ITPR2: variants seen among roughly 807,000 people sequenced by gnomAD.
ITPR2 encodes the protein inositol 1,4,5-trisphosphate-gated calcium channel ITPR2.
A neutral mutation model predicts 317.1 loss-of-function variants in ITPR2; 207 were observed. The observed-to-expected ratio is 0.65, with a 90% confidence interval of 0.58 to 0.73. The LOEUF (loss-of-function observed/expected upper bound fraction) is 0.73, where lower values mean the gene tolerates loss of function less well. ITPR2 is among the 30% of genes least tolerant of loss of function. The pLI is 0.00. For synonymous variants in ITPR2, 1,156 were observed against 1,149.1 expected (o/e 1.01, Z -0.12); for missense variants, 2,613 against 3,284.0 (o/e 0.80, Z 4.99).
chr12:26,510,006 T>G (rs867939471), intron 37 of ITPR2, among the ~76,000 whole-genome samples: 2,959 of 31,214 alleles, frequency 0.095, no homozygotes, highest in African/African-American at 0.14. Context: ...GTGTGTGTGG[T>G]GGGGGGTGGG....
At chr12:26,766,679 A>C (rs1242483886) in intron 2 of ITPR2, among the ~76,000 whole-genome samples, 1 of 152,166 alleles carries the variant, frequency 6.6e-6, no homozygotes, top group East Asian at 1.9e-4. Flanking sequence ...TGTTGTATCT[A>C]AGAAATCACT....
intron 10 of ITPR2, among the ~76,000 whole-genome samples, chr12:26,688,047 T>G (rs769246402): frequency 6.6e-6 from 1 of 152,200 alleles, no homozygotes; most frequent in Non-Finnish European, 1.5e-5. Flanking sequence ...TTCTGAATTT[T>G]TTTTTTAAGA....
Position 26,486,278 on chromosome 12 carries a change from A to C in ITPR2, c.5637T>G (p.Cys1879Trp). ...EASSATSKAY[C>W]VYRREMDPEI... ...CTGGATCCATTTCTCTTCTGTATAC[A>C]CAATATGCTTTGGATGTTGCTGAAG... The change falls in exon 41 of 57, where the codon TGT (cysteine) becomes TGG (tryptophan). Residue 1879 changes from cysteine (C) to tryptophan (W), a missense_variant. Cys to Trp is a radical substitution (Grantham distance 215). Around this residue, in one of 9 missense-constraint regions of ITPR2, gnomAD observed 926 missense variants for 1,072.8 expected, o/e 0.86. Coordinates refer to ENST00000381340, the MANE Select transcript of ITPR2 (RefSeq NM_002223.4). 6.2e-7 allele frequency: 1 copy of C among 1,614,102 alleles called. No homozygotes were observed. The highest frequency in any genetic ancestry group is 8.5e-7 in the Non-Finnish European group (1 of 1,179,950).
intron 36 of ITPR2, among the ~76,000 whole-genome samples, chr12:26,555,838 T>C (rs530840186): frequency 6.6e-6 from 1 of 152,338 alleles, no homozygotes; most frequent in Admixed American, 6.5e-5. Context: ...TAAACACATA[T>C]GACAATAGTA....
chr12:26,599,869 T>G, intron 29 of ITPR2, 118 bp downstream of exon 29: 4 of 750,934 alleles, frequency 5.3e-6, no homozygotes, highest in Non-Finnish European at 8.6e-6. Context: ...GAGAGAGAAT[T>G]TCCACAAGGA....
intron 54 of ITPR2, among the ~76,000 whole-genome samples, chr12:26,391,219 T>C (rs1939824666): frequency 1.3e-5 from 2 of 152,216 alleles, no homozygotes; most frequent in Non-Finnish European, 2.9e-5. Context: ...AATCTGACCT[T>C]TTAGCATGTG....
intron 1 of ITPR2, among the ~76,000 whole-genome samples, chr12:26,815,164 C>A (rs1419500073): frequency 6.6e-6 from 1 of 152,110 alleles, no homozygotes; most frequent in Non-Finnish European, 1.5e-5. Flanking sequence ...CATGGTGAAA[C>A]CTCATCTCCA....
At chr12:26,502,905 A>G (rs1943103403) in intron 37 of ITPR2, among the ~76,000 whole-genome samples, 1 of 152,176 alleles carries the variant, frequency 6.6e-6, no homozygotes, top group African/African-American at 2.4e-5. Flanking sequence ...ATATTTCCAT[A>G]ATCATTTAGT....
At chr12:26,376,461 T>A (rs1050283162) in intron 55 of ITPR2, among the ~76,000 whole-genome samples, 1 of 152,160 alleles carries the variant, frequency 6.6e-6, no homozygotes, top group African/African-American at 2.4e-5. Flanking sequence ...TTCATAGCCA[T>A]CATTTCTTTT....
At position 26,833,138 on chromosome 12, in the gene ITPR2, T is replaced by A. The variant is rs1326869585; in HGVS notation, c.-357A>T. On this transcript the variant is annotated 5_prime_UTR_variant, in exon 1 of 57. Coordinates refer to ENST00000381340, the MANE Select transcript of ITPR2 (RefSeq NM_002223.4). ...CCTTCCCTCTCCGCTCCCCACTCCG[T>A]GTCCACTCCCTGCTCTGCGACCCGC... 1.2e-5 allele frequency: 3 copies of A among 248,266 alleles called. No homozygotes were observed. The East Asian group carries it at 4.5e-4, about 38-fold the overall frequency. 15.4% of individuals were successfully genotyped at this position (248,266 alleles called of 1,614,324 possible). A position where few individuals can be genotyped will look rare whatever the true frequency, so the allele number is the denominator to read the frequency against.
chr12:26,379,709 C>T (rs1207115985), intron 55 of ITPR2, among the ~76,000 whole-genome samples: 1 of 152,138 alleles, frequency 6.6e-6, no homozygotes. Context: ...CCAGAGGCCT[C>T]CAGAGTCCTA....
chr12:26,562,227 A>T (rs1430980426), intron 34 of ITPR2, among the ~76,000 whole-genome samples: 1 of 152,242 alleles, frequency 6.6e-6, no homozygotes, highest in Non-Finnish European at 1.5e-5. Flanking sequence ...ACAGAAACAC[A>T]CTGTATAACA....
intron 55 of ITPR2, among the ~76,000 whole-genome samples, chr12:26,356,075 G>A (rs188897423): frequency 3.3e-5 from 5 of 152,304 alleles, no homozygotes; most frequent in African/African-American, 9.6e-5. Flanking sequence ...AGGCAAACAC[G>A]GTGTGATGTC....
intron 52 of ITPR2, among the ~76,000 whole-genome samples, chr12:26,407,794 C>T (rs760348820): frequency 1.3e-5 from 2 of 152,080 alleles, no homozygotes; most frequent in East Asian, 1.9e-4. Flanking sequence ...GGGTCCCTAC[C>T]GAAAATGTAA....
intron 20 of ITPR2, 89 bp downstream of exon 20, chr12:26,655,619 A>G (rs2136901955): frequency 8.8e-7 from 1 of 1,141,488 alleles, no homozygotes; most frequent in Admixed American, 2.9e-5. Context: ...GTCTCAAAAA[A>G]AAAAAAAAAA....
At chr12:26,719,052 T>A (rs1429732521) in intron 5 of ITPR2, among the ~76,000 whole-genome samples, 1 of 152,186 alleles carries the variant, frequency 6.6e-6, no homozygotes, top group Non-Finnish European at 1.5e-5. Context: ...TCATTCTTAT[T>A]CTTGACAATG....
At chr12:26,796,950 T>C (rs1487712769) in intron 1 of ITPR2, among the ~76,000 whole-genome samples, 3 of 152,120 alleles carry the variant, frequency 2.0e-5, no homozygotes, top group Non-Finnish European at 4.4e-5. Flanking sequence ...GGCAGGGGAA[T>C]TGCTTGAACC....
At chr12:26,739,805 A>G (rs780234841) in intron 2 of ITPR2, among the ~76,000 whole-genome samples, 3 of 152,238 alleles carry the variant, frequency 2.0e-5, no homozygotes, top group Non-Finnish European at 2.9e-5. Flanking sequence ...CTATTCAATC[A>G]AGTTGAAAAT....
chr12:26,673,830 A>T (rs1451289262), intron 13 of ITPR2, among the ~76,000 whole-genome samples: 11 of 126,076 alleles, frequency 8.7e-5, no homozygotes, highest in African/African-American at 3.3e-4. Flanking sequence ...TTAAGCTGAT[A>T]AGCAACTTCA....
Sources: allele counts gnomAD v4.1 joint callset (sites outside exome capture counted in the v4.1 genomes callset), GRCh38; gene constraint gnomAD v4.1.1; regional missense constraint gnomAD v4.1.1; transcripts MANE v1.5; gene names NCBI Gene and HGNC (gene_info 2026-07-23, HGNC 2026-07-21).